Variants in SLC6A17 observed in about 807,000 individuals in gnomAD.
The protein encoded by SLC6A17 is sodium-dependent neutral amino acid transporter SLC6A17.
A neutral mutation model predicts 64.5 loss-of-function variants in SLC6A17; 21 were observed. The observed-to-expected ratio is 0.33, with a 90% confidence interval of 0.23 to 0.47. The LOEUF (loss-of-function observed/expected upper bound fraction) is 0.47. Ranked by LOEUF, SLC6A17 falls within the 20% of genes least tolerant of loss-of-function variation. The pLI is 1.00. For missense variants in SLC6A17, 682 were observed against 963.2 expected (o/e 0.71, Z 3.86); for synonymous variants, 372 against 399.5 (o/e 0.93, Z 0.82).
At position 110,194,785 on chromosome 1, in the gene SLC6A17, GC is replaced by G; in HGVS notation, c.1492+19del. On this transcript the variant is annotated intron_variant, in intron 9 of 11. Coordinates refer to ENST00000331565, the MANE Select transcript of SLC6A17 (RefSeq NM_001010898.4). ...AGATGTTCACAGGTAACTCCTCCCT[GC>G]CCCCATGCCCAGGCTCTGCAGGCTG... The G allele has an allele frequency of 1.2e-6, 2 of 1,610,310 alleles. No individual in the cohort carries two copies. The highest frequency in any genetic ancestry group is 2.2e-5 in the South Asian group (2 of 91,076).
rs760830094 is a variant in SLC6A17 at position 110,176,657 on chromosome 1, A to G, written c.782A>G (p.Tyr261Cys). 2 of 1,613,996 alleles carry G rather than the reference A, an allele frequency of 1.2e-6. No homozygotes were observed. The highest frequency in any genetic ancestry group is 1.7e-6 in the Non-Finnish European group (2 of 1,179,980). ...KVMYFSSLFPYVVLACFLVRG... is the reference protein window; with the variant it reads ...KVMYFSSLFPCVVLACFLVRG... ...ATGTATTTCAGCTCCCTCTTCCCCT[A>G]CGTGGTGCTGGCCTGCTTCCTGGTC... is the stretch of plus-strand genomic sequence containing the variant. Residue 261 changes from tyrosine to cysteine, a missense_variant, in exon 6 of 12, where the codon TAC (tyrosine) becomes TGC (cysteine). Physicochemically the swap from Tyr to Cys is radical, Grantham distance 194. Coordinates refer to ENST00000331565, the MANE Select transcript of SLC6A17 (RefSeq NM_001010898.4).
chr1:110,162,312 T>C (rs530725777), intron 1 of SLC6A17, among the ~76,000 whole-genome samples: 80 of 152,370 alleles, frequency 5.3e-4, no homozygotes, highest in African/African-American at 1.9e-3. Context: ...CATCCATTGT[T>C]ACAGGTGCCT....
intron 1 of SLC6A17, among the ~76,000 whole-genome samples, chr1:110,154,071 T>G (rs573127359): frequency 6.6e-6 from 1 of 152,374 alleles, no homozygotes; most frequent in Admixed American, 6.5e-5. Flanking sequence ...GGGTGAGTGC[T>G]GTTCTGGATT....
At chr1:110,197,288 C>T (rs976449907) in intron 10 of SLC6A17, 149 bp from the exon 11 acceptor site, 3 of 1,083,632 alleles carry the variant, frequency 2.8e-6, no homozygotes. Context: ...CCAGCCAGAC[C>T]ACACACAATG....
At chr1:110,177,340 G>T (rs1656401203) in intron 6 of SLC6A17, among the ~76,000 whole-genome samples, 1 of 152,150 alleles carries the variant, frequency 6.6e-6, no homozygotes, top group Non-Finnish European at 1.5e-5. Context: ...TCTCTCAATA[G>T]CCCGGGGAGC....
At chr1:110,198,043 C>T (rs762427434) in intron 11 of SLC6A17, 33 bp from the exon 12 acceptor site, 3 of 1,576,704 alleles carry the variant, frequency 1.9e-6, no homozygotes, top group South Asian at 1.2e-5. Context: ...TGTCACAGTG[C>T]CGGCAGCAGC....
At chr1:110,171,780 C>CT (rs1207451505) in intron 2 of SLC6A17, among the ~76,000 whole-genome samples, 1 of 152,128 alleles carries the variant, frequency 6.6e-6, no homozygotes, top group East Asian at 1.9e-4. Context: ...AGTGCAATGT[C>CT]TGTCTGTTTC....
intron 5 of SLC6A17, among the ~76,000 whole-genome samples, chr1:110,175,321 T>G (rs1656346452): frequency 2.6e-5 from 4 of 152,228 alleles, no homozygotes; most frequent in Admixed American, 6.5e-5. Flanking sequence ...GAGCCTGCTT[T>G]GAGCAGTTCT....
At chr1:110,154,847 A>G (rs1655713558) in intron 1 of SLC6A17, among the ~76,000 whole-genome samples, 1 of 152,196 alleles carries the variant, frequency 6.6e-6, no homozygotes, top group Admixed American at 6.5e-5. Flanking sequence ...CCCAGACCCC[A>G]GAGAAAACTA....
rs374649824 is a variant in SLC6A17, at chr1:110,198,242, T to C, written c.1982T>C (p.Met661Thr). Residue 661 changes from methionine (M) to threonine (T), a missense_variant, in exon 12 of 12, where the codon ATG becomes ACG. Physicochemically the swap from Met to Thr is moderately conservative, Grantham distance 81. Around this residue, in one of 3 missense-constraint regions of SLC6A17, gnomAD observed 264 missense variants for 339.5 expected, o/e 0.78. Transcript: ENST00000331565. ...LSVSYKKGRMMKDISNLEEND... is the reference protein window; with the variant it reads ...LSVSYKKGRMTKDISNLEEND... ...GTGTCCTACAAGAAGGGCCGCATGA[T>C]GAAGGACATCTCCAACCTGGAGGAG... 6 of 1,614,162 alleles carry C rather than the reference T, an allele frequency of 3.7e-6. No individual in the cohort carries two copies. In the East Asian group the frequency reaches 6.7e-5, roughly 18 times the overall value.
intron 1 of SLC6A17, 133 bp downstream of exon 1, chr1:110,151,016 C>T (rs1015526290): frequency 7.9e-5 from 12 of 152,392 alleles, no homozygotes; most frequent in African/African-American, 2.9e-4. Flanking sequence ...TCCGCCCGAC[C>T]CTGCGCTCGT....
At chr1:110,155,221 C>T (rs1385173676) in intron 1 of SLC6A17, among the ~76,000 whole-genome samples, 3 of 152,216 alleles carry the variant, frequency 2.0e-5, no homozygotes, top group Non-Finnish European at 4.4e-5. Context: ...GCTTCATAGG[C>T]AGCCATTTTG....
At position 110,192,043 on chromosome 1, in the gene SLC6A17, C is replaced by T. The variant is rs1557840632; in HGVS notation, c.936C>T (p.Gly312=). 4 of 1,614,084 alleles carry T rather than the reference C, an allele frequency of 2.5e-6. No homozygotes were observed. The highest frequency in any genetic ancestry group is 3.3e-5 in the Admixed American group (2 of 60,006). ...AGGTCTTCTTTGCCTTGGGCCTGGG[C>T]TTTGGTGGTGTCATTGCCTTCTCCA... ...ATQVFFALGL[G]FGGVIAFSSY... The change falls in exon 7 of 12, where the codon GGC becomes GGT. Residue 312 remains glycine, a synonymous_variant. Transcript: ENST00000331565. The surrounding 1 kb of genome is among the most constrained non-coding windows in gnomAD (Gnocchi z 4.3).
chr1:110,176,884 G>A, intron 6 of SLC6A17, 145 bp downstream of exon 6: 1 of 719,940 alleles, frequency 1.4e-6, no homozygotes, highest in Non-Finnish European at 2.3e-6. Context: ...AGATGCACAG[G>A]GAAGGGGGCA....
Position 110,182,716 on chromosome 1 carries a change from A to G in SLC6A17, c.864+5977A>G, listed in dbSNP as rs537982108. Among the ~76,000 whole-genome samples, 112 of 152,100 alleles carry G rather than the reference A, an allele frequency of 7.4e-4. 1 individual carries two copies. Among genetic ancestry groups the G allele is most frequent in the African/African-American group, 2.6e-3 (108 of 41,488 alleles). ...AAAGAGGGAACAATCAGCCATGTCC[A>G]AAGCTGCTGAGAGGTCAGGTGATGA... On this transcript the variant is annotated intron_variant, in intron 6 of 11. Transcript: ENST00000331565.
At chr1:110,196,636 A>G (rs1381264640) in intron 10 of SLC6A17, among the ~76,000 whole-genome samples, 1 of 152,224 alleles carries the variant, frequency 6.6e-6, no homozygotes, top group Non-Finnish European at 1.5e-5. Flanking sequence ...TAAAATGTGT[A>G]GGGTTATATA....
intron 1 of SLC6A17, among the ~76,000 whole-genome samples, chr1:110,153,365 G>A (rs908351268): frequency 6.6e-6 from 1 of 152,154 alleles, no homozygotes; most frequent in African/African-American, 2.4e-5. Flanking sequence ...TTTCCTGAAG[G>A]ACCCTGGGCC....
chr1:110,190,936 C>T (rs1351318970), intron 6 of SLC6A17, among the ~76,000 whole-genome samples: 1 of 152,178 alleles, frequency 6.6e-6, no homozygotes, highest in Non-Finnish European at 1.5e-5. Flanking sequence ...TCTTTGGGGT[C>T]TCAGTTTACC....
intron 3 of SLC6A17, 117 bp from the exon 4 acceptor site, chr1:110,173,856 C>G: frequency 6.8e-7 from 1 of 1,459,988 alleles, no homozygotes; most frequent in Non-Finnish European, 9.1e-7. Flanking sequence ...CCTTGCCTCT[C>G]TTGAGGCTGT....
Sources: gnomAD v4.1 joint callset for allele counts (sites outside exome capture counted in the v4.1 genomes callset) on GRCh38, gnomAD v4.1.1 for gene constraint, gnomAD v4.1.1 regional missense constraint, Gnocchi (gnomAD v3.1) non-coding constraint, MANE v1.5 for transcripts, NCBI Gene and HGNC (gene_info 2026-07-23, HGNC 2026-07-21) for gene names.